Variants in ZNF395 observed in about 807,000 individuals in gnomAD.
ZNF395 encodes HD gene regulatory region-binding protein 2.
A neutral mutation model predicts 57.7 loss-of-function variants in ZNF395; 20 were observed. That is an observed-to-expected ratio of 0.35 (90% CI 0.24 to 0.50). The LOEUF (loss-of-function observed/expected upper bound fraction) is 0.50, where lower values mean the gene tolerates loss of function less well. Among genes scored for constraint, ZNF395 ranks in the 20% least tolerant of loss-of-function variants. The pLI is 0.97. For missense variants in ZNF395, 606 were observed against 671.2 expected (o/e 0.90, Z 1.07); for synonymous variants, 295 against 275.9 (o/e 1.07, Z -0.69).
At position 28,354,606 on chromosome 8, in the gene ZNF395, G is replaced by A. The variant is rs944058739; in HGVS notation, c.584-1198C>T. ...GGCTCTCCTTACATCTCACATCCTA[G>A]AAGCAGCCCACCCAAAAAGAATGAG... On this transcript the variant is annotated intron_variant, in intron 4 of 9. Transcript: ENST00000344423. Among the ~76,000 whole-genome samples, 3 of 152,060 alleles carry A rather than the reference G, an allele frequency of 2.0e-5. No individual in the cohort carries two copies. In the East Asian group the frequency reaches 5.8e-4, roughly 29 times the overall value.
rs140723794 is a variant in ZNF395 at position 28,351,990 on chromosome 8, C to T, written c.921-183G>A. On this transcript the variant is annotated intron_variant, in intron 6 of 9. Transcript: ENST00000344423. The stretch of plus-strand genomic sequence containing the variant: ...ACCAGGATTATGTGTTGCACATCAA[C>T]GGGAATTATTTTTCCTGGCACCTAA... Among the ~76,000 whole-genome samples, 16 of 152,310 alleles carry T rather than the reference C, an allele frequency of 1.1e-4. No individual in the cohort carries two copies. The East Asian group carries it at 2.9e-3, about 28-fold the overall frequency.
At chr8:28,365,286 T>C (rs1231490063) in intron 1 of ZNF395, 1 of 152,268 alleles carries the variant, frequency 6.6e-6, no homozygotes, top group East Asian at 1.9e-4. Context: ...AGGTTAACTC[T>C]GGGCCGCCCG....
At chr8:28,371,259 C>T (rs547902135) in intron 1 of ZNF395, among the ~76,000 whole-genome samples, 22 of 152,340 alleles carry the variant, frequency 1.4e-4, no homozygotes, top group East Asian at 9.6e-4. Context: ...CAGCTCACTG[C>T]GGCCTTGACC....
Position 28,350,296 on chromosome 8 carries a change from C to T in ZNF395, c.1234-140G>A, listed in dbSNP as rs873373. ...TGACCAGAAAGAGCTGGGACACACT[C>T]GGCTTTCTCGAGGACAACACTGGAG... On this transcript the variant is annotated intron_variant, in intron 7 of 9. Transcript: ENST00000344423. 7.3e-3 allele frequency: 5,149 copies of T among 709,656 alleles called. 336 individuals carry two copies. In the Admixed American group the frequency reaches 0.12, roughly 17 times the overall value. 44.0% of individuals were successfully genotyped at this position (709,656 alleles called of 1,614,324 possible). A position where few individuals can be genotyped will look rare whatever the true frequency, so the allele number is the denominator to read the frequency against.
Position 28,359,880 on chromosome 8 carries a change from G to A in ZNF395, c.241-56C>T, listed in dbSNP as rs1429853453. 4 of 1,571,668 alleles carry A rather than the reference G, an allele frequency of 2.5e-6. No homozygotes were observed. Among genetic ancestry groups the A allele is most frequent in the Non-Finnish European group, 3.5e-6 (4 of 1,152,286 alleles). ...AGCCCTGGATGGGTCTCGCCCTGAA[G>A]TTCTCATGCACCCCACGTCCCAGGA... is the stretch of plus-strand genomic sequence containing the variant. On this transcript the variant is annotated intron_variant, in intron 2 of 9. Transcript: ENST00000344423. This position sits in a 1 kb window ranked among gnomAD's most constrained non-coding sequence, Gnocchi z 4.7.
At chr8:28,371,232 G>A (rs1801972027) in intron 1 of ZNF395, among the ~76,000 whole-genome samples, 1 of 152,228 alleles carries the variant, frequency 6.6e-6, no homozygotes, top group Non-Finnish European at 1.5e-5. Flanking sequence ...CCAGGCTGGA[G>A]TGCAGTCGCA....
chr8:28,351,517 A>C lies in ZNF395; in HGVS notation c.1211T>G (p.Ile404Ser). The C allele has an allele frequency of 6.2e-7, 1 of 1,609,516 alleles. No individual in the cohort carries two copies. The highest frequency in any genetic ancestry group is 2.2e-5 in the East Asian group (1 of 44,758). The change falls in exon 7 of 10, where the codon ATT becomes AGT. Residue 404 changes from isoleucine to serine, a missense_variant. Around this residue, in one of 3 missense-constraint regions of ZNF395, gnomAD observed 261 missense variants for 240.3 expected, o/e 1.09. Transcript: ENST00000344423. ...SKSAPGSFWH[I>S]QADHAYQALP... is the part of the protein sequence containing the mutation. The stretch of plus-strand genomic sequence containing the variant: ...TACCTGGTATGCATGATCTGCCTGA[A>C]TGTGCCAGAAGGACCCAGGAGCTGA...
At position 28,357,070 on chromosome 8, in the gene ZNF395, A is replaced by G. The variant is rs577352136; in HGVS notation, c.474-291T>C. Among the ~76,000 whole-genome samples the G allele has an allele frequency of 9.9e-5, 15 of 152,266 alleles. No individual in the cohort carries two copies. The South Asian group carries it at 2.9e-3, about 29-fold the overall frequency. On this transcript the variant is annotated intron_variant, in intron 3 of 9. Transcript: ENST00000344423. ...GGTCTCATCCCACTGTGACGCCCTGAGACAGCCCCATTCTCCCATGACTTT... is the reference window on the plus strand; with the variant it reads ...GGTCTCATCCCACTGTGACGCCCTGGGACAGCCCCATTCTCCCATGACTTT...
Position 28,359,746 on chromosome 8 carries a change from A to C in ZNF395, c.319T>G (p.Trp107Gly). ...ACCTGCAGCTTCTGCTCCAGCAGCC[A>C]GACGGTCACCTGACCCTCCATCCAG... Reference protein sequence around the residue: ...HSWMEGQVTVWLLEQKLQVCC... With the variant: ...HSWMEGQVTVGLLEQKLQVCC... Residue 107 changes from tryptophan to glycine, a missense_variant, in exon 3 of 10, where the codon TGG becomes GGG. Coordinates refer to ENST00000344423, the MANE Select transcript of ZNF395 (RefSeq NM_018660.3). This position sits in a 1 kb window ranked among gnomAD's most constrained non-coding sequence, Gnocchi z 4.7. 6.2e-7 allele frequency: 1 copy of C among 1,614,108 alleles called. No homozygotes were observed. Among genetic ancestry groups the C allele is most frequent in the Non-Finnish European group, 8.5e-7 (1 of 1,180,040 alleles).
intron 1 of ZNF395, among the ~76,000 whole-genome samples, chr8:28,366,190 G>C (rs1019530808): frequency 5.3e-5 from 8 of 152,170 alleles, no homozygotes; most frequent in African/African-American, 1.9e-4. Flanking sequence ...ATAATTTATA[G>C]GTCAACTGAG....
intron 1 of ZNF395, among the ~76,000 whole-genome samples, chr8:28,375,624 A>G (rs959739535): frequency 8.5e-5 from 13 of 152,160 alleles, no homozygotes; most frequent in Admixed American, 6.5e-4. Flanking sequence ...TTACACCTCA[A>G]TTTAAAAAAG....
At chr8:28,373,987 G>A (rs1802008075) in intron 1 of ZNF395, among the ~76,000 whole-genome samples, 1 of 152,152 alleles carries the variant, frequency 6.6e-6, no homozygotes, top group African/African-American at 2.4e-5. Context: ...ACCTACCCCA[G>A]AGAAAACTCA....
intron 6 of ZNF395, 115 bp from the exon 7 acceptor site, chr8:28,351,922 G>A: frequency 3.2e-6 from 4 of 1,249,680 alleles, no homozygotes; most frequent in Middle Eastern, 4.0e-4. Context: ...GCCAGGGACG[G>A]AGCCCAAGAG....
At chr8:28,384,857 A>G (rs1802152570) in intron 1 of ZNF395, among the ~76,000 whole-genome samples, 1 of 152,176 alleles carries the variant, frequency 6.6e-6, no homozygotes, top group African/African-American at 2.4e-5. Context: ...ACTTCCACCT[A>G]GTCCTAGGCT....
In ZNF395 at chr8:28,352,836, A is replaced by G. The variant is rs77829702; in HGVS notation, c.820-163T>C. 5.9e-3 allele frequency among the ~76,000 whole-genome samples: 906 copies of G among 152,324 alleles called. 6 individuals carry two copies. Among genetic ancestry groups the G allele is most frequent in the Non-Finnish European group, 9.8e-3 (668 of 68,022 alleles). Reference sequence around the variant, plus strand: ...CCAGAGAAACTTACAACCAGGGGCTAGAAAGCCCCAATCTAAGAGATGGTC... The same window carrying G: ...CCAGAGAAACTTACAACCAGGGGCTGGAAAGCCCCAATCTAAGAGATGGTC... On this transcript the variant is annotated intron_variant, in intron 5 of 9. Coordinates refer to ENST00000344423, the MANE Select transcript of ZNF395 (RefSeq NM_018660.3). This position sits in a 1 kb window ranked among gnomAD's most constrained non-coding sequence, Gnocchi z 4.0.
At chr8:28,360,468 C>T (rs1801834690) in intron 2 of ZNF395, among the ~76,000 whole-genome samples, 1 of 152,232 alleles carries the variant, frequency 6.6e-6, no homozygotes, top group Admixed American at 6.5e-5. Context: ...CCGAATCCAA[C>T]TACACAAACA....
At chr8:28,384,913 G>A (rs930878626) in intron 1 of ZNF395, among the ~76,000 whole-genome samples, 1 of 152,180 alleles carries the variant, frequency 6.6e-6, no homozygotes, top group Non-Finnish European at 1.5e-5. Context: ...CCTCCCAGAG[G>A]GCCTGGCACC....
intron 1 of ZNF395, among the ~76,000 whole-genome samples, chr8:28,379,719 A>G (rs1342870023): frequency 6.6e-6 from 1 of 152,010 alleles, no homozygotes; most frequent in African/African-American, 2.4e-5. Context: ...ACTCAAGATT[A>G]ATCACTGAAT....
chr8:28,359,725 G>T lies in ZNF395; in HGVS notation c.340C>A (p.Gln114Lys). The change falls in exon 3 of 10, where the codon CAG becomes AAG. Residue 114 changes from glutamine to lysine, a missense_variant. Physicochemically the swap from Gln to Lys is moderately conservative, Grantham distance 53. Transcript: ENST00000344423. This position sits in a 1 kb window ranked among gnomAD's most constrained non-coding sequence, Gnocchi z 4.7. ...VTVWLLEQKL[Q>K]VCCRVEEVWL... ...ACCTCCTCCACCCTGCAGCAGACCT[G>T]CAGCTTCTGCTCCAGCAGCCAGACG... is the stretch of plus-strand genomic sequence containing the variant. 2.5e-6 allele frequency: 4 copies of T among 1,614,050 alleles called. No homozygotes were observed. The South Asian group carries it at 3.3e-5, about 13-fold the overall frequency.
Sources: allele counts gnomAD v4.1 joint callset (sites outside exome capture counted in the v4.1 genomes callset), GRCh38; gene constraint gnomAD v4.1.1; regional missense constraint gnomAD v4.1.1; non-coding constraint Gnocchi (gnomAD v3.1); transcripts MANE v1.5; gene names NCBI Gene and HGNC (gene_info 2026-07-23, HGNC 2026-07-21).